TAFA4: variants seen among roughly 807,000 people sequenced by gnomAD.
TAFA4 encodes chemokine-like protein TAFA-4.
In TAFA4, 20 loss-of-function variants were observed where a neutral mutation model predicts 21.1. The ratio of observed to expected loss-of-function variants is 0.95; its 90% CI spans 0.67 to 1.38. The LOEUF is 1.38. Among genes scored for constraint, TAFA4 ranks in the 40% most tolerant of loss-of-function variants. The pLI, the probability that TAFA4 is intolerant of heterozygous loss-of-function variation, is 0.00. For synonymous variants in TAFA4, 71 were observed against 67.4 expected, an observed-to-expected ratio of 1.05 and a Z score of -0.26; for missense variants, 211 against 180.9, an observed-to-expected ratio of 1.17 and a Z score of -0.95.
chr3:68,919,981 T>C (rs9843171), intron 1 of TAFA4, among the ~76,000 whole-genome samples: 40,659 of 152,030 alleles, frequency 0.27, 5,946 homozygotes, highest in African/African-American at 0.39. Flanking sequence ...TACCAAGAGA[T>C]TGTAATTATG....
At chr3:68,883,642 G>C (rs753157596) in intron 2 of TAFA4, among the ~76,000 whole-genome samples, 3 of 152,152 alleles carry the variant, frequency 2.0e-5, no homozygotes, top group Non-Finnish European at 2.9e-5. Context: ...AGTTTAACTT[G>C]ATAAAACCAT....
intron 1 of TAFA4, among the ~76,000 whole-genome samples, chr3:68,886,446 T>G (rs2089673141): frequency 2.6e-5 from 4 of 152,208 alleles, no homozygotes; most frequent in Admixed American, 2.6e-4. Flanking sequence ...CCCAACGGCA[T>G]GATGTGACCT....
chr3:68,904,633 C>T (rs961476517), intron 1 of TAFA4, among the ~76,000 whole-genome samples: 1 of 152,168 alleles, frequency 6.6e-6, no homozygotes, highest in Non-Finnish European at 1.5e-5. Flanking sequence ...AAGGACTTAA[C>T]AGAAGAATGC....
intron 5 of TAFA4, among the ~76,000 whole-genome samples, chr3:68,735,926 G>C (rs1006525435): frequency 1.1e-4 from 17 of 152,156 alleles, no homozygotes; most frequent in African/African-American, 4.1e-4. Flanking sequence ...CTACCCACAA[G>C]ATGCCAGTAG....
At chr3:68,814,021 T>A (rs1257406080) in intron 3 of TAFA4, among the ~76,000 whole-genome samples, 1 of 152,092 alleles carries the variant, frequency 6.6e-6, no homozygotes, top group African/African-American at 2.4e-5. Context: ...CATACGCAAA[T>A]CAATAAATGT....
intron 3 of TAFA4, among the ~76,000 whole-genome samples, chr3:68,818,858 ATAT>A (rs1395286155): frequency 6.6e-6 from 1 of 152,258 alleles, no homozygotes; most frequent in African/African-American, 2.4e-5. Flanking sequence ...AAAGTTTGAA[ATAT>A]TATGAGAATT....
intron 3 of TAFA4, among the ~76,000 whole-genome samples, chr3:68,858,505 T>C (rs367961986): frequency 6.6e-6 from 1 of 152,014 alleles, no homozygotes; most frequent in African/African-American, 2.4e-5. Context: ...TTTTGACCAA[T>C]TGAAAATTTT....
chr3:68,854,766 T>G (rs1705029151), intron 3 of TAFA4, among the ~76,000 whole-genome samples: 1 of 152,140 alleles, frequency 6.6e-6, no homozygotes, highest in Admixed American at 6.5e-5. Context: ...CTAACCAATT[T>G]GCAAAGACAG....
At chr3:68,871,950 G>C (rs892142171) in intron 3 of TAFA4, among the ~76,000 whole-genome samples, 4 of 152,034 alleles carry the variant, frequency 2.6e-5, no homozygotes, top group African/African-American at 7.2e-5. Flanking sequence ...TACATCATTG[G>C]GGGAATGTAG....
intron 3 of TAFA4, among the ~76,000 whole-genome samples, chr3:68,874,159 T>C (rs564749912): frequency 1.3e-5 from 2 of 152,340 alleles, no homozygotes; most frequent in South Asian, 4.1e-4. Context: ...GACTTAGTTA[T>C]AGTTCTTATC....
chr3:68,879,864 G>A (rs1236829027), intron 3 of TAFA4, among the ~76,000 whole-genome samples: 1 of 152,024 alleles, frequency 6.6e-6, no homozygotes, highest in Non-Finnish European at 1.5e-5. Flanking sequence ...GTGATTTAGG[G>A]TTCAGGCATC....
At chr3:68,832,376 C>CT (rs1306915059) in intron 3 of TAFA4, among the ~76,000 whole-genome samples, 1 of 152,092 alleles carries the variant, frequency 6.6e-6, no homozygotes, top group African/African-American at 2.4e-5. Context: ...TGTGGATGTC[C>CT]TTTTTTGTTG....
chr3:68,919,337 C>T (rs2090035159), intron 1 of TAFA4, among the ~76,000 whole-genome samples: 1 of 152,198 alleles, frequency 6.6e-6, no homozygotes, highest in Admixed American at 6.5e-5. Flanking sequence ...CCTGATAAAT[C>T]TTAATGACAT....
chr3:68,745,910 C>T (rs1317262226), intron 4 of TAFA4, among the ~76,000 whole-genome samples: 2 of 152,088 alleles, frequency 1.3e-5, no homozygotes, highest in African/African-American at 2.4e-5. Flanking sequence ...AGTATTGTTC[C>T]TGGGTATGCC....
chr3:68,880,123 T>A (rs1024423965), intron 3 of TAFA4, among the ~76,000 whole-genome samples: 1 of 150,988 alleles, frequency 6.6e-6, no homozygotes, highest in African/African-American at 2.4e-5. Context: ...ATCTCGCCTT[T>A]AAAAATCAGC....
intron 3 of TAFA4, among the ~76,000 whole-genome samples, chr3:68,854,663 ATT>A (rs375368386): frequency 2.2e-4 from 31 of 142,800 alleles, no homozygotes; most frequent in African/African-American, 5.9e-4. Context: ...TGTTTTTGTT[ATT>A]TTTTTTTTTT....
chr3:68,872,733 C>A (rs1439108577), intron 3 of TAFA4, among the ~76,000 whole-genome samples: 1 of 152,094 alleles, frequency 6.6e-6, no homozygotes, highest in African/African-American at 2.4e-5. Context: ...GACATAATAC[C>A]AAGCTCTTTA....
intron 2 of TAFA4, among the ~76,000 whole-genome samples, chr3:68,883,268 G>A (rs1306741288): frequency 1.3e-5 from 2 of 152,198 alleles, no homozygotes; most frequent in Non-Finnish European, 2.9e-5. Flanking sequence ...CCGTATTCTT[G>A]CTATTGACCA....
At position 68,826,530 on chromosome 3, in the gene TAFA4, G is replaced by A. The variant is rs538488041; in HGVS notation, c.130+54200C>T. 5.5e-5 allele frequency among the ~76,000 whole-genome samples: 8 copies of A among 145,628 alleles called. No individual in the cohort carries two copies. The East Asian group carries it at 1.4e-3, about 26-fold the overall frequency. On this transcript the variant is annotated intron_variant, in intron 3 of 5. Coordinates refer to ENST00000295569, the MANE Select transcript of TAFA4 (RefSeq NM_182522.5). The stretch of plus-strand genomic sequence containing the variant: ...AGAGCTTGCAGTGAGCCGAGATCGC[G>A]CCACCGCACTCCAGCCTGGGCAACA...
Sources: allele counts gnomAD v4.1 joint callset (sites outside exome capture counted in the v4.1 genomes callset), GRCh38; gene constraint gnomAD v4.1.1; transcripts MANE v1.5; gene names NCBI Gene and HGNC (gene_info 2026-07-23, HGNC 2026-07-21).